Variants in CAST observed in about 807,000 individuals in gnomAD.
The protein encoded by CAST is calpastatin.
In CAST, 76 loss-of-function variants were observed where a neutral mutation model predicts 119.6. That is an observed-to-expected ratio of 0.64 (90% CI 0.53 to 0.77). The LOEUF is 0.77. CAST is among the 30% of genes least tolerant of loss of function. The pLI is 0.00. For missense variants in CAST, 953 were observed against 946.5 expected, an observed-to-expected ratio of 1.01 and a Z score of -0.09; for synonymous variants, 319 against 331.6, an observed-to-expected ratio of 0.96 and a Z score of 0.41.
At chr5:96,754,197 T>C (rs142151734) in intron 21 of CAST, 36 bp downstream of exon 21, 3 of 1,199,330 alleles carry the variant, frequency 2.5e-6, no homozygotes, top group African/African-American at 3.0e-5. Context: ...AAAATAAATA[T>C]CATTGATCAC....
chr5:96,002,533 G>A, the CAST span, among the ~76,000 whole-genome samples: 5 of 152,202 alleles, frequency 3.3e-5, no homozygotes, highest in African/African-American at 7.2e-5. Flanking sequence ...CTGGGTACCC[G>A]GTCCAGCTTG....
At chr5:96,748,473 TAAA>T in intron 18 of CAST, 42 bp from the exon 19 acceptor site, 1 of 945,824 alleles carries the variant, frequency 1.1e-6, no homozygotes, top group Non-Finnish European at 1.6e-6. Flanking sequence ...TTTTACAAAA[TAAA>T]AAAGAGTCCC....
chr5:96,552,255 T>C (rs1368675414), intron 1 of CAST, among the ~76,000 whole-genome samples: 2 of 152,164 alleles, frequency 1.3e-5, no homozygotes, highest in African/African-American at 2.4e-5. Context: ...GAACTCAGGA[T>C]TAAGAATCTC....
intron 1 of CAST, among the ~76,000 whole-genome samples, chr5:96,533,657 A>G (rs941065453): frequency 6.6e-6 from 1 of 152,226 alleles, no homozygotes; most frequent in African/African-American, 2.4e-5. Flanking sequence ...TCGGCCATGC[A>G]CTTCCATAGA....
the CAST span, among the ~76,000 whole-genome samples, chr5:96,180,808 G>T: frequency 1.3e-5 from 2 of 152,158 alleles, no homozygotes; most frequent in African/African-American, 4.8e-5. Context: ...GTAAACAGTG[G>T]ATGCAAGAAC....
chr5:96,321,265 C>G, the CAST span, among the ~76,000 whole-genome samples: 1 of 152,122 alleles, frequency 6.6e-6, no homozygotes, highest in Non-Finnish European at 1.5e-5. Context: ...AACATCCTCC[C>G]ACTCCTCAGC....
chr5:96,025,683 G>C, the CAST span, among the ~76,000 whole-genome samples: 1 of 152,156 alleles, frequency 6.6e-6, no homozygotes, highest in Non-Finnish European at 1.5e-5. Flanking sequence ...CTGTTAAATA[G>C]AAAAACAAGC....
At chr5:96,389,395 G>A in the CAST span, among the ~76,000 whole-genome samples, 8 of 152,106 alleles carry the variant, frequency 5.3e-5, no homozygotes, top group East Asian at 3.9e-4. Flanking sequence ...TCAATTAATC[G>A]ATTAATCAAT....
At chr5:96,108,112 G>C in the CAST span, among the ~76,000 whole-genome samples, 2 of 151,766 alleles carry the variant, frequency 1.3e-5, no homozygotes, top group Non-Finnish European at 2.9e-5. Flanking sequence ...GGTTATTCTA[G>C]TTATACATTC....
chr5:96,151,994 G>T, the CAST span, among the ~76,000 whole-genome samples: 202 of 152,268 alleles, frequency 1.3e-3, no homozygotes, highest in African/African-American at 4.6e-3. Flanking sequence ...GTTCCCTTTT[G>T]TGGAGTGCAG....
At position 96,741,233 on chromosome 5, in the gene CAST, G is replaced by A. The variant is rs372094284; in HGVS notation, c.919-33G>A. 1.5e-4 allele frequency: 179 copies of A among 1,224,760 alleles called. 1 individual carries two copies. Among genetic ancestry groups the A allele is most frequent in the Middle Eastern group, 1.9e-4 (1 of 5,188 alleles). 75.9% of individuals were successfully genotyped at this position (1,224,760 alleles called of 1,614,324 possible). A position where few individuals can be genotyped will look rare whatever the true frequency, so the allele number is the denominator to read the frequency against. On this transcript the variant is annotated intron_variant, in intron 13 of 31. Coordinates refer to ENST00000675179, the MANE Select transcript of CAST (RefSeq NM_001750.7). Reference sequence around the variant, plus strand: ...CCATTCTTCCACTTGAGTGCTTCCCGTAAGTTACCCATCACTGTGCCTGTT... The same window carrying A: ...CCATTCTTCCACTTGAGTGCTTCCCATAAGTTACCCATCACTGTGCCTGTT...
the CAST span, among the ~76,000 whole-genome samples, chr5:96,067,434 A>T: frequency 6.6e-6 from 1 of 152,212 alleles, no homozygotes; most frequent in Admixed American, 6.5e-5. Context: ...CTGATGGATC[A>T]TTAGGAATAC....
chr5:96,358,747 C>T, the CAST span, among the ~76,000 whole-genome samples: 1 of 152,090 alleles, frequency 6.6e-6, no homozygotes, highest in Admixed American at 6.5e-5. Context: ...TGTTTTACTT[C>T]TAATTATGTG....
At chr5:96,318,325 G>A in the CAST span, 1 of 152,232 alleles carries the variant, frequency 6.6e-6, no homozygotes, top group African/African-American at 2.4e-5. Flanking sequence ...AGCCTGGTAT[G>A]TTTAACCGAA....
At chr5:96,325,741 A>T in the CAST span, among the ~76,000 whole-genome samples, 6 of 152,118 alleles carry the variant, frequency 3.9e-5, no homozygotes, top group African/African-American at 1.4e-4. Context: ...TGGCTTCCCG[A>T]GGTGCTCGGA....
chr5:96,733,453 T>A (rs1760992380), intron 9 of CAST, among the ~76,000 whole-genome samples: 1 of 152,230 alleles, frequency 6.6e-6, no homozygotes, highest in South Asian at 2.1e-4. Context: ...AAATGTAAAT[T>A]AACCAGTGTT....
At chr5:96,611,924 T>C (rs1474045061) in intron 1 of CAST, among the ~76,000 whole-genome samples, 1 of 152,110 alleles carries the variant, frequency 6.6e-6, no homozygotes, top group Admixed American at 6.6e-5. Flanking sequence ...ATAGCTATTA[T>C]TAAAACGTCA....
chr5:96,535,567 T>C (rs973434267), intron 1 of CAST, among the ~76,000 whole-genome samples: 1 of 36,860 alleles, frequency 2.7e-5, no homozygotes, highest in Non-Finnish European at 5.1e-5. Flanking sequence ...ATAAACAATT[T>C]TTTTTTTTTT....
the CAST span, among the ~76,000 whole-genome samples, chr5:96,453,390 T>C: frequency 2.6e-5 from 4 of 152,232 alleles, no homozygotes; most frequent in African/African-American, 9.7e-5. Flanking sequence ...TACCTATGTG[T>C]AGTGAAATGT....
Sources: allele counts gnomAD v4.1 joint callset (sites outside exome capture counted in the v4.1 genomes callset), GRCh38; gene constraint gnomAD v4.1.1; transcripts MANE v1.5; gene names NCBI Gene and HGNC (gene_info 2026-07-23, HGNC 2026-07-21).